AGBL4: variants seen among roughly 807,000 people sequenced by gnomAD.
AGBL4 encodes the protein cytosolic carboxypeptidase 6.
AGBL4 carries 58 observed loss-of-function variants against 66.4 expected under a neutral mutation model. The ratio of observed to expected loss-of-function variants is 0.87; its 90% CI spans 0.71 to 1.09. The LOEUF is 1.09. Ranked by LOEUF, AGBL4 falls within the 50% of genes least tolerant of loss-of-function variation. The pLI is 0.00. For synonymous variants in AGBL4, 234 were observed against 222.9 expected, an observed-to-expected ratio of 1.05 and a Z score of -0.44; for missense variants, 579 against 631.0, an observed-to-expected ratio of 0.92 and a Z score of 0.88.
At chr1:49,534,171 C>CAAAA (rs71059553) in intron 3 of AGBL4, among the ~76,000 whole-genome samples, 21 of 66,954 alleles carry the variant, frequency 3.1e-4, no homozygotes, top group East Asian at 1.5e-3. Context: ...CACCATTTTA[C>CAAAA]AAAAAAAAAA....
At chr1:49,372,676 T>C (rs892275753) in intron 3 of AGBL4, among the ~76,000 whole-genome samples, 1 of 145,492 alleles carries the variant, frequency 6.9e-6, no homozygotes, top group Admixed American at 7.1e-5. Context: ...TCTTTCTTTC[T>C]TTCTCTTTCT....
intron 3 of AGBL4, among the ~76,000 whole-genome samples, chr1:49,439,240 G>A (rs1324739037): frequency 1.3e-5 from 2 of 152,160 alleles, no homozygotes; most frequent in African/African-American, 4.8e-5. Context: ...TGCAAAACTT[G>A]AGAAAGTATA....
At chr1:49,374,632 G>C (rs891307137) in intron 3 of AGBL4, among the ~76,000 whole-genome samples, 2 of 152,028 alleles carry the variant, frequency 1.3e-5, no homozygotes, top group Non-Finnish European at 2.9e-5. Flanking sequence ...TAGTCGAGTA[G>C]GAATCATCCT....
At chr1:49,494,733 A>C (rs1420837468) in intron 3 of AGBL4, among the ~76,000 whole-genome samples, 2 of 152,048 alleles carry the variant, frequency 1.3e-5, no homozygotes. Flanking sequence ...CGCCATAAAC[A>C]TACGTGTGCA....
chr1:49,144,546 C>T (rs1646180169), intron 4 of AGBL4, among the ~76,000 whole-genome samples: 1 of 151,748 alleles, frequency 6.6e-6, no homozygotes, highest in South Asian at 2.1e-4. Flanking sequence ...CACACACACA[C>T]ACACACACAC....
intron 4 of AGBL4, among the ~76,000 whole-genome samples, chr1:49,183,016 A>G (rs538619805): frequency 5.0e-4 from 76 of 152,308 alleles, no homozygotes; most frequent in African/African-American, 1.8e-3. Context: ...AAGAAAGAAG[A>G]GTCCCTTCCT....
intron 3 of AGBL4, among the ~76,000 whole-genome samples, chr1:49,457,250 T>C (rs1646409941): frequency 6.6e-6 from 1 of 151,824 alleles, no homozygotes; most frequent in African/African-American, 2.4e-5. Context: ...TTTTTGATTT[T>C]TTGATTATGG....
At position 49,588,796 on chromosome 1, in the gene AGBL4, A is replaced by C. The variant is rs565880395; in HGVS notation, c.282+108517T>G. ...TCCTCAAGGAGCTCCTAAATGAGTGATATCATTAAGTCATTACTGAAACAA... is the reference window on the plus strand; with the variant it reads ...TCCTCAAGGAGCTCCTAAATGAGTGCTATCATTAAGTCATTACTGAAACAA... On this transcript the variant is annotated intron_variant, in intron 3 of 13. Transcript: ENST00000371839. 6.6e-5 allele frequency among the ~76,000 whole-genome samples: 10 copies of C among 152,332 alleles called. No homozygotes were observed. The South Asian group carries it at 8.3e-4, about 13-fold the overall frequency.
intron 5 of AGBL4, among the ~76,000 whole-genome samples, chr1:48,955,765 C>T (rs145521745): frequency 1.1e-4 from 16 of 152,284 alleles, no homozygotes; most frequent in Middle Eastern, 3.4e-3. Flanking sequence ...CGGATTTGCC[C>T]GTGGCTGGAT....
chr1:48,816,045 TTGTGTGTGTGTGTGTGTGTGTGTGTG>T (rs59041939), intron 6 of AGBL4, among the ~76,000 whole-genome samples: 1 of 144,304 alleles, frequency 6.9e-6, no homozygotes, highest in Admixed American at 7.0e-5. Context: ...AGGAACTGTT[TTGTGTGTGTGTGTGTGTGTGTGTGTG>T]TGTGTGTGTG....
At chr1:49,541,209 C>T (rs531291934) in intron 3 of AGBL4, among the ~76,000 whole-genome samples, 97 of 152,346 alleles carry the variant, frequency 6.4e-4, no homozygotes, top group South Asian at 1.7e-3. Flanking sequence ...GGCACCTCCT[C>T]AGCCTCTGCG....
chr1:49,599,894 T>C (rs188777789), intron 3 of AGBL4, among the ~76,000 whole-genome samples: 13 of 152,332 alleles, frequency 8.5e-5, no homozygotes, highest in Admixed American at 5.2e-4. Context: ...GAGCAGCTTG[T>C]TCAGTTTCCA....
chr1:49,336,289 C>T (rs1472530393), intron 3 of AGBL4, among the ~76,000 whole-genome samples: 2 of 152,150 alleles, frequency 1.3e-5, no homozygotes, highest in African/African-American at 4.8e-5. Context: ...AGACCAAAGT[C>T]CCAGCTTAAA....
intron 3 of AGBL4, among the ~76,000 whole-genome samples, chr1:49,601,597 T>C (rs1644960167): frequency 6.6e-6 from 1 of 152,080 alleles, no homozygotes; most frequent in South Asian, 2.1e-4. Flanking sequence ...AAACAAGCAA[T>C]GGGGAAAGGA....
intron 2 of AGBL4, among the ~76,000 whole-genome samples, chr1:49,832,776 T>A (rs1246786318): frequency 6.6e-6 from 1 of 152,258 alleles, no homozygotes; most frequent in Non-Finnish European, 1.5e-5. Flanking sequence ...CATGTGTTTT[T>A]TGGCTGCATA....
chr1:49,653,028 C>T (rs1016902617), intron 3 of AGBL4, among the ~76,000 whole-genome samples: 1 of 152,134 alleles, frequency 6.6e-6, no homozygotes, highest in South Asian at 2.1e-4. Context: ...GACCTCCCAA[C>T]AGGAGTCTCC....
At chr1:49,604,236 C>A (rs2124186117) in intron 3 of AGBL4, among the ~76,000 whole-genome samples, 1 of 152,302 alleles carries the variant, frequency 6.6e-6, no homozygotes, top group East Asian at 1.9e-4. Context: ...ACTCCAACAT[C>A]TATTGCTTTT....
intron 3 of AGBL4, among the ~76,000 whole-genome samples, chr1:49,289,566 T>A (rs2148423716): frequency 6.6e-6 from 1 of 152,352 alleles, no homozygotes; most frequent in East Asian, 1.9e-4. Flanking sequence ...CTGTGTTCAC[T>A]TTTGTAGTTC....
At chr1:48,759,273 C>T in intron 6 of AGBL4, 4 of 1,556,538 alleles carry the variant, frequency 2.6e-6, no homozygotes, top group Non-Finnish European at 3.5e-6. Context: ...TCGGCTTCCG[C>T]CCCTCAGGTC....
Sources: allele counts gnomAD v4.1 joint callset (sites outside exome capture counted in the v4.1 genomes callset), GRCh38; gene constraint gnomAD v4.1.1; transcripts MANE v1.5; gene names NCBI Gene and HGNC (gene_info 2026-07-23, HGNC 2026-07-21).